The following CRISP1 variants were observed in gnomAD, a reference collection of about 807,000 sequenced individuals.
The protein encoded by CRISP1 is cysteine rich secretory protein 1.
In CRISP1, 44 loss-of-function variants were observed where a neutral mutation model predicts 33.1. The observed-to-expected ratio is 1.33, with a 90% confidence interval of 1.05 to 1.71. CRISP1 has a LOEUF of 1.71. CRISP1 is among the 40% of genes most tolerant of loss of function. The probability of loss-of-function intolerance (pLI) is 0.00; values close to 1 mark genes in which losing one functional copy is unlikely to be tolerated. For synonymous variants in CRISP1, 103 were observed against 98.7 expected, an observed-to-expected ratio of 1.04 and a Z score of -0.26; for missense variants, 390 against 301.2, an observed-to-expected ratio of 1.29 and a Z score of -2.18.
intron 1 of CRISP1, among the ~76,000 whole-genome samples, chr6:49,875,483 T>G (rs1342288839): frequency 6.6e-6 from 1 of 152,104 alleles, no homozygotes; most frequent in Admixed American, 6.6e-5. Context: ...CCAAAGTAAT[T>G]TATAGAGTCA....
intron 6 of CRISP1, among the ~76,000 whole-genome samples, chr6:49,839,110 A>G (rs900399975): frequency 6.6e-6 from 1 of 152,000 alleles, no homozygotes; most frequent in African/African-American, 2.4e-5. Flanking sequence ...AAAGTAGATG[A>G]GAAGTTCTAG....
At chr6:49,856,749 G>A (rs925571144) in intron 2 of CRISP1, among the ~76,000 whole-genome samples, 3 of 151,952 alleles carry the variant, frequency 2.0e-5, no homozygotes, top group East Asian at 1.9e-4. Flanking sequence ...GTTATTTAAA[G>A]GTGAATATTA....
At chr6:49,863,515 C>T (rs1045484751) in intron 1 of CRISP1, among the ~76,000 whole-genome samples, 47 of 152,210 alleles carry the variant, frequency 3.1e-4, no homozygotes, top group African/African-American at 1.1e-3. Flanking sequence ...TAAGCCAATA[C>T]TCTTAAAATA....
intron 1 of CRISP1, among the ~76,000 whole-genome samples, chr6:49,861,514 A>G (rs1019738409): frequency 2.0e-5 from 3 of 152,194 alleles, no homozygotes; most frequent in Non-Finnish European, 4.4e-5. Flanking sequence ...GGTAATCTCA[A>G]CAGACTCCTT....
At chr6:49,873,045 A>T (rs535846428) in intron 1 of CRISP1, among the ~76,000 whole-genome samples, 7 of 151,966 alleles carry the variant, frequency 4.6e-5, no homozygotes, top group Admixed American at 3.3e-4. Context: ...ATGGAATGAT[A>T]GCATTTGGAG....
chr6:49,860,027 A>T (rs1771604210), intron 1 of CRISP1, among the ~76,000 whole-genome samples: 1 of 152,148 alleles, frequency 6.6e-6, no homozygotes, highest in Non-Finnish European at 1.5e-5. Flanking sequence ...GCAGACAAAG[A>T]AGGTCATTAT....
chr6:49,865,992 C>G (rs910626356), intron 1 of CRISP1, among the ~76,000 whole-genome samples: 1 of 152,112 alleles, frequency 6.6e-6, no homozygotes, highest in Non-Finnish European at 1.5e-5. Context: ...CTAGCAACTC[C>G]CGAAAACAAA....
intron 2 of CRISP1, 105 bp downstream of exon 2, chr6:49,857,230 G>T: frequency 1.0e-6 from 1 of 990,392 alleles, no homozygotes; most frequent in Non-Finnish European, 1.5e-6. Context: ...TGAGTAATGG[G>T]TGTAGTGGCC....
chr6:49,840,126 T>C (rs1398287095), intron 6 of CRISP1, among the ~76,000 whole-genome samples: 2 of 152,230 alleles, frequency 1.3e-5, no homozygotes, highest in Non-Finnish European at 2.9e-5. Flanking sequence ...AGAAGTGATA[T>C]TGAACTGGCA....
upstream of CRISP1, among the ~76,000 whole-genome samples, chr6:49,867,914 T>G (rs1200922794): frequency 6.6e-6 from 1 of 152,190 alleles, no homozygotes; most frequent in African/African-American, 2.4e-5. Flanking sequence ...TGCAAAAGAA[T>G]GCTATTACTT....
At chr6:49,850,697 C>T (rs1771319799) in intron 3 of CRISP1, among the ~76,000 whole-genome samples, 1 of 152,024 alleles carries the variant, frequency 6.6e-6, no homozygotes, top group South Asian at 2.1e-4. Context: ...TATTTCATAT[C>T]TTTTTGTGTT....
chr6:49,836,960 G>A (rs2127467912), intron 7 of CRISP1, among the ~76,000 whole-genome samples: 1 of 151,868 alleles, frequency 6.6e-6, no homozygotes, highest in East Asian at 1.9e-4. Flanking sequence ...TAGTATTCTG[G>A]TGAAATATGA....
chr6:49,870,517 T>C (rs1384904195), upstream of CRISP1, among the ~76,000 whole-genome samples: 1 of 152,114 alleles, frequency 6.6e-6, no homozygotes, highest in African/African-American at 2.4e-5. Context: ...AGCTAGCCCA[T>C]AGAACTTCTT....
intron 7 of CRISP1, among the ~76,000 whole-genome samples, chr6:49,836,163 A>G (rs970570370): frequency 9.2e-5 from 14 of 152,324 alleles, no homozygotes; most frequent in South Asian, 2.1e-4. Context: ...AAAAATAACA[A>G]TAATTTAATT....
upstream of CRISP1, among the ~76,000 whole-genome samples, chr6:49,867,940 G>T (rs1771836087): frequency 6.6e-6 from 1 of 152,110 alleles, no homozygotes; most frequent in Non-Finnish European, 1.5e-5. Context: ...AACCAGCATG[G>T]TTTATATATT....
chr6:49,851,669 C>T (rs953320135), intron 3 of CRISP1, among the ~76,000 whole-genome samples: 1 of 152,114 alleles, frequency 6.6e-6, no homozygotes, highest in Non-Finnish European at 1.5e-5. Context: ...GTCTCCAGGT[C>T]AGACCTCATG....
intron 4 of CRISP1, 48 bp downstream of exon 4, chr6:49,848,161 T>A (rs772045738): frequency 3.3e-4 from 74 of 225,480 alleles, no homozygotes; most frequent in Non-Finnish European, 3.3e-4. Context: ...TGTTTTACTA[T>A]TTTTTTTTTT....
At chr6:49,836,335 A>T (rs1582251158) in intron 7 of CRISP1, among the ~76,000 whole-genome samples, 1 of 146,422 alleles carries the variant, frequency 6.8e-6, no homozygotes, top group Non-Finnish European at 1.5e-5. Flanking sequence ...TTTTATTTTT[A>T]TTTTATTTTT....
chr6:49,874,560 G>C (rs1582291467), intron 1 of CRISP1, among the ~76,000 whole-genome samples: 1 of 152,050 alleles, frequency 6.6e-6, no homozygotes, highest in African/African-American at 2.4e-5. Flanking sequence ...TATGAGGCCA[G>C]CATCATCCTG....
Sources: allele counts gnomAD v4.1 joint callset (sites outside exome capture counted in the v4.1 genomes callset), GRCh38; gene constraint gnomAD v4.1.1; transcripts MANE v1.5; gene names NCBI Gene and HGNC (gene_info 2026-07-23, HGNC 2026-07-21).